Variants in SYT14 observed in about 807,000 individuals in gnomAD.
The protein encoded by SYT14 is synaptotagmin 14.
SYT14 carries 32 observed loss-of-function variants against 74.2 expected under a neutral mutation model. The ratio of observed to expected loss-of-function variants is 0.43; its 90% confidence interval spans 0.33 to 0.58. SYT14 has a LOEUF of 0.58. SYT14 is among the 20% of genes least tolerant of loss of function. The probability of loss-of-function intolerance (pLI) is 0.05; values close to 1 mark genes in which losing one functional copy is unlikely to be tolerated. For synonymous variants in SYT14, 298 were observed against 337.7 expected (o/e 0.88, Z 1.29); for missense variants, 791 against 981.8 (o/e 0.81, Z 2.60).
At chr1:209,941,322 T>C (rs1243684544) in intron 1 of SYT14, among the ~76,000 whole-genome samples, 2 of 152,232 alleles carry the variant, frequency 1.3e-5, no homozygotes, top group African/African-American at 4.8e-5. Flanking sequence ...GAAGTTAGGC[T>C]ATATTAGGCA....
intron 5 of SYT14, among the ~76,000 whole-genome samples, chr1:210,052,259 C>T (rs1295467031): frequency 6.6e-6 from 1 of 151,300 alleles, no homozygotes; most frequent in Non-Finnish European, 1.5e-5. Context: ...CTTGCTCTGT[C>T]GCCCAGGCTG....
chr1:210,031,390 T>C lies in SYT14; in HGVS notation c.1312+10136T>C, dbSNP rs150952640. Among the ~76,000 whole-genome samples the C allele has an allele frequency of 5.9e-3, 899 of 152,206 alleles. 32 individuals carry two copies. The highest frequency in any genetic ancestry group is 0.055 in the Admixed American group (846 of 15,276). On this transcript the variant is annotated intron_variant, in intron 5 of 9. Coordinates refer to ENST00000637265, the Ensembl canonical transcript of SYT14. ...GAGATATTGGTCTGTAGTTTTCTTTTCTTGTAATGTCTTTGGTATTAGGGT... is the reference window on the plus strand; with the variant it reads ...GAGATATTGGTCTGTAGTTTTCTTTCCTTGTAATGTCTTTGGTATTAGGGT...
At chr1:209,974,704 T>C (rs1039859493) in intron 2 of SYT14, among the ~76,000 whole-genome samples, 5 of 152,104 alleles carry the variant, frequency 3.3e-5, no homozygotes, top group Admixed American at 6.5e-5. Context: ...GGCTCTTTTT[T>C]GGTTCCATAT....
At chr1:209,964,452 A>G (rs1447052099) in intron 2 of SYT14, among the ~76,000 whole-genome samples, 2 of 152,128 alleles carry the variant, frequency 1.3e-5, no homozygotes, top group Non-Finnish European at 2.9e-5. Flanking sequence ...TGGAACCACT[A>G]TTACACTGCT....
rs372010117 is a variant in SYT14, at chr1:210,141,252, T to C, written c.2035-14469T>C. Among the ~76,000 whole-genome samples, 146 of 152,304 alleles carry C rather than the reference T, an allele frequency of 9.6e-4. No homozygotes were observed. In the Middle Eastern group the frequency reaches 0.01, roughly 11 times the overall value. On this transcript the variant is annotated intron_variant, in intron 7 of 9. Coordinates refer to ENST00000637265, the Ensembl canonical transcript of SYT14. The stretch of plus-strand genomic sequence containing the variant: ...TTCGTGTAATACAAATTTTACAGTT[T>C]TGTTAAATACATTCCTAAGTATTCT...
intron 7 of SYT14, among the ~76,000 whole-genome samples, chr1:210,121,449 C>G (rs147521158): frequency 6.6e-6 from 1 of 152,192 alleles, no homozygotes; most frequent in African/African-American, 2.4e-5. Context: ...TTTTCAGGAA[C>G]TAAATATAAT....
At chr1:209,981,389 G>T (rs1201933938) in intron 2 of SYT14, among the ~76,000 whole-genome samples, 1 of 150,342 alleles carries the variant, frequency 6.7e-6, no homozygotes, top group Non-Finnish European at 1.5e-5. Context: ...GCTTAGTTTG[G>T]TGGAATATGA....
intron 2 of SYT14, among the ~76,000 whole-genome samples, chr1:209,958,831 A>G (rs2079031254): frequency 6.6e-6 from 1 of 152,172 alleles, no homozygotes; most frequent in Non-Finnish European, 1.5e-5. Context: ...TTCCTGGGGA[A>G]AATAAACAAA....
intron 5 of SYT14, among the ~76,000 whole-genome samples, chr1:210,028,079 C>T (rs767117960): frequency 6.6e-6 from 1 of 152,034 alleles, no homozygotes; most frequent in African/African-American, 2.4e-5. Flanking sequence ...TCATCCCAGC[C>T]TCTGATAACC....
chr1:210,029,977 C>T (rs2080494978), intron 5 of SYT14, among the ~76,000 whole-genome samples: 1 of 152,040 alleles, frequency 6.6e-6, no homozygotes. Flanking sequence ...TAAGTTTGTT[C>T]CTAAGTATTT....
intron 5 of SYT14, among the ~76,000 whole-genome samples, chr1:210,085,387 G>A (rs2044100829): frequency 6.6e-6 from 1 of 151,958 alleles, no homozygotes; most frequent in Non-Finnish European, 1.5e-5. Flanking sequence ...TTATTGCCCT[G>A]GCTAGGACCT....
intron 7 of SYT14, among the ~76,000 whole-genome samples, chr1:210,143,948 C>T (rs1340163548): frequency 1.3e-5 from 2 of 151,996 alleles, no homozygotes; most frequent in Non-Finnish European, 2.9e-5. Flanking sequence ...CTAGAGGGTA[C>T]TGTTACTATA....
intron 2 of SYT14, among the ~76,000 whole-genome samples, chr1:210,012,121 T>C (rs937859793): frequency 6.6e-6 from 1 of 152,212 alleles, no homozygotes; most frequent in South Asian, 2.1e-4. Flanking sequence ...CTCTGGGCTT[T>C]TGCAGATGTT....
intron 5 of SYT14, among the ~76,000 whole-genome samples, chr1:210,091,522 C>T (rs1173072064): frequency 6.6e-6 from 1 of 152,116 alleles, no homozygotes; most frequent in East Asian, 1.9e-4. Flanking sequence ...GACCCTGTCT[C>T]TACAAACAGT....
chr1:209,950,641 A>G (rs1398225917), intron 1 of SYT14, among the ~76,000 whole-genome samples: 1 of 152,226 alleles, frequency 6.6e-6, no homozygotes, highest in South Asian at 2.1e-4. Flanking sequence ...CAACCAAGTC[A>G]GAATGAAGAT....
intron 7 of SYT14, 89 bp downstream of exon 6, chr1:210,100,550 G>A: frequency 7.6e-7 from 1 of 1,308,020 alleles, no homozygotes; most frequent in Admixed American, 1.8e-5. Context: ...AAGCCAACAA[G>A]TTTGTCAGTC....
At chr1:210,043,244 G>A (rs1326179859) in intron 5 of SYT14, among the ~76,000 whole-genome samples, 3 of 152,132 alleles carry the variant, frequency 2.0e-5, no homozygotes. Context: ...TACATGTGGT[G>A]TGTACAGAAA....
chr1:210,088,718 AT>A (rs1226137656), intron 5 of SYT14, among the ~76,000 whole-genome samples: 1 of 151,868 alleles, frequency 6.6e-6, no homozygotes, highest in Non-Finnish European at 1.5e-5. Context: ...CATCATTCTT[AT>A]TTTTGTTAAC....
exon 10 of SYT14, chr1:210,160,792 C>A: frequency 6.2e-7 from 1 of 1,613,980 alleles, no homozygotes; most frequent in Non-Finnish European, 8.5e-7. Context: ...TGCAAGACAT[C>A]CATCCGCAGA....
Sources: gnomAD v4.1 joint callset for allele counts (sites outside exome capture counted in the v4.1 genomes callset) on GRCh38, gnomAD v4.1.1 for gene constraint, MANE v1.5 for transcripts, NCBI Gene and HGNC (gene_info 2026-07-23, HGNC 2026-07-21) for gene names.